Variants in CFAP299 observed in about 807,000 individuals in gnomAD.
The protein encoded by CFAP299 is cilia- and flagella-associated protein 299.
A neutral mutation model predicts 27.0 loss-of-function variants in CFAP299; 21 were observed. That is an observed-to-expected ratio of 0.78 (90% CI 0.55 to 1.12). CFAP299 has a LOEUF of 1.12. Among genes scored for constraint, CFAP299 ranks in the 50% most tolerant of loss-of-function variants. CFAP299 has a pLI of 0.00. For synonymous variants in CFAP299, 104 were observed against 98.1 expected, an observed-to-expected ratio of 1.06 and a Z score of -0.36; for missense variants, 310 against 276.6, an observed-to-expected ratio of 1.12 and a Z score of -0.86.
intron 4 of CFAP299, among the ~76,000 whole-genome samples, chr4:80,937,907 G>GT: frequency 6.6e-6 from 1 of 151,886 alleles, no homozygotes; most frequent in Middle Eastern, 3.4e-3. Context: ...CTGGTGTTTT[G>GT]TTTTTTGTAT....
chr4:80,799,385 T>C (rs1162356545), intron 3 of CFAP299, among the ~76,000 whole-genome samples: 1 of 94,954 alleles, frequency 1.1e-5, no homozygotes, highest in African/African-American at 4.4e-5. Flanking sequence ...TAAATGTATT[T>C]ATATAATATT....
At position 80,371,211 on chromosome 4, in the gene CFAP299, G is replaced by A. The variant is rs1355625589; in HGVS notation, c.242+8327G>A. Among the ~76,000 whole-genome samples, 8 of 152,310 alleles carry A rather than the reference G, an allele frequency of 5.3e-5. No homozygotes were observed. The East Asian group carries it at 1.5e-3, about 29-fold the overall frequency. Reference sequence around the variant, plus strand: ...GGGGTGGCTGGGGTTTGGGATGCAGGGACTGGTGTCCTGAAACTGCACAGG... The same window carrying A: ...GGGGTGGCTGGGGTTTGGGATGCAGAGACTGGTGTCCTGAAACTGCACAGG... On this transcript the variant is annotated intron_variant, in intron 2 of 5. Coordinates refer to ENST00000358105, the MANE Select transcript of CFAP299 (RefSeq NM_152770.3).
intron 4 of CFAP299, among the ~76,000 whole-genome samples, chr4:80,938,711 T>C (rs1051698464): frequency 6.6e-5 from 10 of 152,178 alleles, no homozygotes; most frequent in Admixed American, 6.6e-4. Flanking sequence ...CAATTCTGAA[T>C]TAGAGTATGT....
rs551891107 is a variant in CFAP299 at position 80,439,310 on chromosome 4, A to G, written c.242+76426A>G. Among the ~76,000 whole-genome samples, 673 of 152,342 alleles carry G rather than the reference A, an allele frequency of 4.4e-3. 3 individuals carry two copies. The highest frequency in any genetic ancestry group is 7.2e-3 in the Non-Finnish European group (489 of 68,044). On this transcript the variant is annotated intron_variant, in intron 2 of 5. Coordinates refer to ENST00000358105, the MANE Select transcript of CFAP299 (RefSeq NM_152770.3). ...CTGCAGCTCCCAGGGAGACCAACGCAGAAGGCAGGTGATTTCTGCATTTCC... is the reference window on the plus strand; with the variant it reads ...CTGCAGCTCCCAGGGAGACCAACGCGGAAGGCAGGTGATTTCTGCATTTCC...
At position 80,899,788 on chromosome 4, in the gene CFAP299, C is replaced by T. The variant is rs569423127; in HGVS notation, c.476+29653C>T. Among the ~76,000 whole-genome samples, 20 of 152,292 alleles carry T rather than the reference C, an allele frequency of 1.3e-4. 1 individual carries two copies. The East Asian group carries it at 3.3e-3, about 25-fold the overall frequency. On this transcript the variant is annotated intron_variant, in intron 4 of 5. Transcript: ENST00000358105. The stretch of plus-strand genomic sequence containing the variant: ...GCTTCAGCTACATTGGGCAAGTTAC[C>T]TGGCTTACTCTCTCTGCCTCATTTG...
At position 80,674,496 on chromosome 4, in the gene CFAP299, T is replaced by C. The variant is rs1160634544; in HGVS notation, c.333+91313T>C. Among the ~76,000 whole-genome samples the C allele has an allele frequency of 1.3e-5, 2 of 152,260 alleles. 1 individual carries two copies. The highest frequency in any genetic ancestry group is 3.9e-4 in the East Asian group (2 of 5,182). On this transcript the variant is annotated intron_variant, in intron 3 of 5. Coordinates refer to ENST00000358105, the MANE Select transcript of CFAP299 (RefSeq NM_152770.3). ...AACCTTGATGAATCTGACAATTATG[T>C]GTCTTGGGGTTGCTCTTCTCGAGGA... is the stretch of plus-strand genomic sequence containing the variant.
chr4:80,831,510 C>A (rs1730300715), intron 3 of CFAP299, among the ~76,000 whole-genome samples: 2 of 152,028 alleles, frequency 1.3e-5, no homozygotes, highest in Admixed American at 1.3e-4. Context: ...GTGTTTCTCA[C>A]AATAGGAGGG....
At chr4:80,693,586 A>G (rs998331063) in intron 3 of CFAP299, among the ~76,000 whole-genome samples, 5 of 151,078 alleles carry the variant, frequency 3.3e-5, no homozygotes, top group East Asian at 1.9e-4. Flanking sequence ...TGGGAGATAT[A>G]CCTAATGCTA....
intron 3 of CFAP299, among the ~76,000 whole-genome samples, chr4:80,783,481 C>A (rs1053977482): frequency 1.3e-5 from 2 of 152,132 alleles, no homozygotes; most frequent in Non-Finnish European, 2.9e-5. Flanking sequence ...GCCATTATTA[C>A]ATAATTATAA....
At chr4:80,742,433 G>C (rs192773585) in intron 3 of CFAP299, among the ~76,000 whole-genome samples, 4 of 152,212 alleles carry the variant, frequency 2.6e-5, no homozygotes, top group Non-Finnish European at 2.9e-5. Context: ...TACCATGCTA[G>C]TATTAGCTAT....
intron 4 of CFAP299, among the ~76,000 whole-genome samples, chr4:80,897,045 T>C (rs1186368230): frequency 6.6e-6 from 1 of 152,130 alleles, no homozygotes; most frequent in Non-Finnish European, 1.5e-5. Context: ...GCATTACAAA[T>C]ATCAGCAGAA....
intron 3 of CFAP299, among the ~76,000 whole-genome samples, chr4:80,816,954 G>C (rs1343640143): frequency 6.6e-6 from 1 of 152,148 alleles, no homozygotes; most frequent in East Asian, 1.9e-4. Context: ...CCACAGGTTG[G>C]ACAAGCTTGG....
At chr4:80,747,110 A>T (rs1724657121) in intron 3 of CFAP299, among the ~76,000 whole-genome samples, 1 of 152,024 alleles carries the variant, frequency 6.6e-6, no homozygotes, top group African/African-American at 2.4e-5. Flanking sequence ...TGGTTTTGTA[A>T]GAAGTCTTGA....
At chr4:80,819,704 G>C (rs758986250) in intron 3 of CFAP299, among the ~76,000 whole-genome samples, 6 of 152,010 alleles carry the variant, frequency 3.9e-5, no homozygotes, top group Non-Finnish European at 8.8e-5. Flanking sequence ...AAGATCAATG[G>C]GGGAACAGCC....
At chr4:80,631,715 C>A (rs1905970) in intron 3 of CFAP299, among the ~76,000 whole-genome samples, 1 of 151,940 alleles carries the variant, frequency 6.6e-6, no homozygotes, top group Admixed American at 6.6e-5. Context: ...AATACTTTTT[C>A]TTTTTAATCT....
intron 3 of CFAP299, among the ~76,000 whole-genome samples, chr4:80,742,457 A>G (rs550054779): frequency 3.4e-4 from 52 of 152,334 alleles, no homozygotes; most frequent in African/African-American, 9.6e-4. Flanking sequence ...AGAATATAAA[A>G]TAAATTCCTT....
intron 3 of CFAP299, among the ~76,000 whole-genome samples, chr4:80,732,070 G>GACACACACACAC (rs76562370): frequency 1.2e-4 from 13 of 110,512 alleles, no homozygotes; most frequent in African/African-American, 4.7e-4. Flanking sequence ...CAGACACACA[G>GACACACACACAC]ACACACACAC....
chr4:80,428,805 C>T (rs1727656955), intron 2 of CFAP299, among the ~76,000 whole-genome samples: 1 of 151,902 alleles, frequency 6.6e-6, no homozygotes. Flanking sequence ...TCCCAAAGTG[C>T]TGGGATTACA....
chr4:80,434,057 C>G (rs977509230), intron 2 of CFAP299, among the ~76,000 whole-genome samples: 1 of 152,090 alleles, frequency 6.6e-6, no homozygotes, highest in Non-Finnish European at 1.5e-5. Flanking sequence ...GGCATTAATA[C>G]AAAAGATAAG....
Sources: gnomAD v4.1 joint callset for allele counts (sites outside exome capture counted in the v4.1 genomes callset) on GRCh38, gnomAD v4.1.1 for gene constraint, MANE v1.5 for transcripts, NCBI Gene and HGNC (gene_info 2026-07-23, HGNC 2026-07-21) for gene names.